Variants in VPS13B observed in about 807,000 individuals in gnomAD.
The protein encoded by VPS13B is intermembrane lipid transfer protein VPS13B.
VPS13B carries 285 observed loss-of-function variants against 426.4 expected under a neutral mutation model. The ratio of observed to expected loss-of-function variants is 0.67; its 90% confidence interval spans 0.61 to 0.74. VPS13B has a LOEUF of 0.74. Among genes scored for constraint, VPS13B ranks in the 30% least tolerant of loss-of-function variants. VPS13B has a pLI of 0.00. For missense variants in VPS13B, 4,537 were observed against 4,782.6 expected, an observed-to-expected ratio of 0.95 and a Z score of 1.51; for synonymous variants, 1,676 against 1,676.4, an observed-to-expected ratio of 1.00 and a Z score of 0.01.
At chr8:99,117,135 A>G (rs1178659331) in intron 7 of VPS13B, among the ~76,000 whole-genome samples, 1 of 152,190 alleles carries the variant, frequency 6.6e-6, no homozygotes, top group Non-Finnish European at 1.5e-5. Flanking sequence ...GCCCTAAGAG[A>G]AGGGCATTTA....
intron 30 of VPS13B, among the ~76,000 whole-genome samples, chr8:99,533,806 T>C (rs1304665577): frequency 6.6e-6 from 1 of 152,198 alleles, no homozygotes; most frequent in Non-Finnish European, 1.5e-5. Context: ...TGTATCTTTA[T>C]GGTTTCTCCT....
chr8:99,130,893 A>T (rs887868947), intron 8 of VPS13B, among the ~76,000 whole-genome samples: 4 of 152,206 alleles, frequency 2.6e-5, no homozygotes, highest in Non-Finnish European at 5.9e-5. Flanking sequence ...AAAAAGCTTT[A>T]TTATAAAGAA....
chr8:99,270,824 TTC>T (rs143477282), intron 17 of VPS13B, among the ~76,000 whole-genome samples: 2,901 of 152,254 alleles, frequency 0.019, 282 homozygotes, highest in Admixed American at 0.15. Flanking sequence ...TAAGTTCTGT[TTC>T]TCTCTCATCA....
chr8:99,826,511 GCAAA>G (rs1297516531), intron 51 of VPS13B, among the ~76,000 whole-genome samples: 1 of 152,180 alleles, frequency 6.6e-6, no homozygotes, highest in African/African-American at 2.4e-5. Flanking sequence ...CACGCCATCT[GCAAA>G]CAGAGACAAT....
intron 39 of VPS13B, among the ~76,000 whole-genome samples, chr8:99,724,378 T>C (rs1363209494): frequency 6.6e-6 from 1 of 152,180 alleles, no homozygotes; most frequent in Non-Finnish European, 1.5e-5. Flanking sequence ...GGTTCTATAC[T>C]AGAGGCACAG....
intron 58 of VPS13B, among the ~76,000 whole-genome samples, chr8:99,864,795 A>G (rs1483062642): frequency 6.6e-6 from 1 of 152,202 alleles, no homozygotes; most frequent in Non-Finnish European, 1.5e-5. Flanking sequence ...AAAGCGACTT[A>G]GCCAGGTCAA....
chr8:99,380,570 A>C (rs545840118), intron 19 of VPS13B, among the ~76,000 whole-genome samples: 5 of 152,030 alleles, frequency 3.3e-5, no homozygotes, highest in Non-Finnish European at 7.4e-5. Flanking sequence ...GGGCCCATGG[A>C]AAAAATAGAA....
At chr8:99,293,079 G>A (rs566260151) in intron 19 of VPS13B, among the ~76,000 whole-genome samples, 17 of 151,840 alleles carry the variant, frequency 1.1e-4, no homozygotes, top group East Asian at 1.9e-4. Flanking sequence ...AGCCCGCATC[G>A]CCAAGTCAAT....
chr8:99,142,845 A>T, intron 12 of VPS13B, 129 bp from the exon 13 acceptor site: 1 of 842,766 alleles, frequency 1.2e-6, no homozygotes, highest in Admixed American at 2.7e-5. Flanking sequence ...GGCTCTCTGT[A>T]TGCAGCTGAT....
chr8:99,460,730 TTTTG>T (rs1179524763), intron 23 of VPS13B, among the ~76,000 whole-genome samples: 4 of 151,284 alleles, frequency 2.6e-5, no homozygotes, highest in Non-Finnish European at 5.9e-5. Context: ...TGGTTGACTG[TTTTG>T]TTTTTTTTTT....
intron 19 of VPS13B, chr8:99,340,856 C>T (rs1811202077): frequency 6.3e-6 from 2 of 315,552 alleles, no homozygotes; most frequent in Admixed American, 3.7e-5. Flanking sequence ...TGGCTTTGTG[C>T]CTTTTGTGGG....
At chr8:99,695,161 C>A (rs1831903248) in intron 35 of VPS13B, among the ~76,000 whole-genome samples, 1 of 151,506 alleles carries the variant, frequency 6.6e-6, no homozygotes, top group Non-Finnish European at 1.5e-5. Flanking sequence ...GGATCTAAAA[C>A]TAGAAATACC....
intron 25 of VPS13B, 131 bp from the exon 26 acceptor site, chr8:99,501,556 A>C (rs577141818): frequency 2.3e-6 from 2 of 884,894 alleles, no homozygotes; most frequent in African/African-American, 3.4e-5. Context: ...ATTAACATTT[A>C]TATGATTATC....
intron 12 of VPS13B, among the ~76,000 whole-genome samples, chr8:99,137,651 T>C (rs1243749580): frequency 1.3e-5 from 2 of 152,172 alleles, no homozygotes; most frequent in Non-Finnish European, 2.9e-5. Context: ...TGGCTTCTGC[T>C]TTTGGAATGG....
chr8:99,456,300 C>G (rs1431598332), intron 23 of VPS13B, among the ~76,000 whole-genome samples: 1 of 152,078 alleles, frequency 6.6e-6, no homozygotes, highest in East Asian at 1.9e-4. Flanking sequence ...TCCTGAGTAG[C>G]TGGGATTACA....
At chr8:99,273,225 C>T (rs1818693744) in intron 17 of VPS13B, among the ~76,000 whole-genome samples, 1 of 150,932 alleles carries the variant, frequency 6.6e-6, no homozygotes, top group African/African-American at 2.4e-5. Context: ...GTGGTGCGAC[C>T]TCTGCTCACT....
intron 33 of VPS13B, among the ~76,000 whole-genome samples, chr8:99,606,652 G>C (rs1425018774): frequency 4.5e-5 from 6 of 132,196 alleles, no homozygotes; most frequent in African/African-American, 1.7e-4. Context: ...TTTTTGAGAC[G>C]GAGTTTCACT....
At chr8:99,424,019 C>T (rs187756739) in intron 21 of VPS13B, among the ~76,000 whole-genome samples, 1 of 152,166 alleles carries the variant, frequency 6.6e-6, no homozygotes, top group Non-Finnish European at 1.5e-5. Flanking sequence ...TGTTAAGTCG[C>T]CCATTATTAT....
chr8:99,707,581 C>T (rs1832541915), intron 36 of VPS13B, among the ~76,000 whole-genome samples: 1 of 152,190 alleles, frequency 6.6e-6, no homozygotes, highest in East Asian at 1.9e-4. Context: ...ACTATACCAA[C>T]TTGATACAAT....
Sources: allele counts gnomAD v4.1 joint callset (sites outside exome capture counted in the v4.1 genomes callset), GRCh38; gene constraint gnomAD v4.1.1; transcripts MANE v1.5; gene names NCBI Gene and HGNC (gene_info 2026-07-23, HGNC 2026-07-21).